The following SUGCT variants were observed in gnomAD, a reference collection of about 807,000 sequenced individuals.
SUGCT encodes the protein succinyl-CoA:glutarate-CoA transferase, also known as succinyl-CoA:glutarate CoA-transferase.
In SUGCT, 41 loss-of-function variants were observed where a neutral mutation model predicts 55.0. The observed-to-expected ratio is 0.74, with a 90% CI of 0.58 to 0.97. The LOEUF (loss-of-function observed/expected upper bound fraction) is 0.97, where lower values mean the gene tolerates loss of function less well. SUGCT is among the 50% of genes least tolerant of loss of function. The pLI is 0.00. For synonymous variants in SUGCT, 187 were observed against 200.4 expected (o/e 0.93, Z 0.56); for missense variants, 568 against 547.8 (o/e 1.04, Z -0.37).
chr7:40,311,131 G>A (rs1795125243), intron 8 of SUGCT, among the ~76,000 whole-genome samples: 1 of 152,164 alleles, frequency 6.6e-6, no homozygotes, highest in Admixed American at 6.5e-5. Flanking sequence ...GACTGTGGGA[G>A]TTAAGTTTGG....
At chr7:40,627,694 GTT>G (rs1562910521) in intron 12 of SUGCT, among the ~76,000 whole-genome samples, 1 of 151,774 alleles carries the variant, frequency 6.6e-6, no homozygotes. Context: ...AAAGGTGGGG[GTT>G]TGCAAAGGGA....
At chr7:40,316,445 T>A (rs1238614166) in intron 8 of SUGCT, among the ~76,000 whole-genome samples, 1 of 152,144 alleles carries the variant, frequency 6.6e-6, no homozygotes, top group Admixed American at 6.5e-5. Flanking sequence ...TATATTGCCA[T>A]GGGTTTGAGG....
At chr7:40,836,866 T>C (rs1793009762) in intron 13 of SUGCT, among the ~76,000 whole-genome samples, 1 of 152,334 alleles carries the variant, frequency 6.6e-6, no homozygotes, top group South Asian at 2.1e-4. Flanking sequence ...CTGAAAGATA[T>C]TTGTTTCCAG....
intron 13 of SUGCT, among the ~76,000 whole-genome samples, chr7:40,761,322 G>A (rs2128720791): frequency 6.6e-6 from 1 of 152,296 alleles, no homozygotes; most frequent in Non-Finnish European, 1.5e-5. Flanking sequence ...CAGTGTGAAA[G>A]CCTCCTCCAA....
intron 12 of SUGCT, among the ~76,000 whole-genome samples, chr7:40,685,948 T>C (rs1036780439): frequency 2.0e-5 from 3 of 152,212 alleles, no homozygotes; most frequent in Non-Finnish European, 4.4e-5. Context: ...GCTCAATCTG[T>C]TGTTACTTTC....
intron 13 of SUGCT, among the ~76,000 whole-genome samples, chr7:40,840,671 A>G (rs1392140250): frequency 6.6e-6 from 1 of 152,140 alleles, no homozygotes; most frequent in African/African-American, 2.4e-5. Context: ...AAAGTAAAAA[A>G]TAAACCCAAG....
chr7:40,343,744 C>T (rs1313865510), intron 9 of SUGCT, among the ~76,000 whole-genome samples: 3 of 152,088 alleles, frequency 2.0e-5, no homozygotes, highest in Non-Finnish European at 4.4e-5. Flanking sequence ...GCAAGCTCCG[C>T]CTCCCGGGTT....
chr7:40,760,860 C>G (rs1258994254), intron 13 of SUGCT, among the ~76,000 whole-genome samples: 2 of 152,042 alleles, frequency 1.3e-5, no homozygotes, highest in Non-Finnish European at 2.9e-5. Context: ...ATACTCACTG[C>G]AACTTATAAT....
intron 9 of SUGCT, among the ~76,000 whole-genome samples, chr7:40,414,573 A>G (rs1485063728): frequency 6.6e-6 from 1 of 151,914 alleles, no homozygotes; most frequent in African/African-American, 2.4e-5. Flanking sequence ...CCCTACATCT[A>G]ATTTTCTATA....
chr7:40,979,128 C>G, the SUGCT span, among the ~76,000 whole-genome samples: 4 of 152,258 alleles, frequency 2.6e-5, no homozygotes, highest in African/African-American at 9.6e-5. Context: ...CCACAAAATA[C>G]TGAGCCCCAT....
At chr7:40,153,609 C>A in intron 1 of SUGCT, 1 of 519,332 alleles carries the variant, frequency 1.9e-6, no homozygotes, top group South Asian at 1.4e-5. Flanking sequence ...CTGTGGTCTG[C>A]TACCTTATGT....
Position 40,487,616 on chromosome 7 carries a change from T to G in SUGCT, c.987-8668T>G, listed in dbSNP as rs557154347. Reference sequence around the variant, plus strand: ...TTTTTTAAAATGTCATATTAAAATCTTTTACTACTATTGTATTGCCGTTAA... The same window carrying G: ...TTTTTTAAAATGTCATATTAAAATCGTTTACTACTATTGTATTGCCGTTAA... On this transcript the variant is annotated intron_variant, in intron 11 of 13. Coordinates refer to ENST00000335693, the MANE Select transcript of SUGCT (RefSeq NM_001193313.2). Among the ~76,000 whole-genome samples the G allele has an allele frequency of 1.6e-3, 248 of 152,256 alleles. 2 individuals carry two copies. Among genetic ancestry groups the G allele is most frequent in the African/African-American group, 5.7e-3 (239 of 41,574 alleles).
At chr7:40,256,791 T>C (rs1023653281) in intron 7 of SUGCT, among the ~76,000 whole-genome samples, 1 of 152,212 alleles carries the variant, frequency 6.6e-6, no homozygotes, top group Non-Finnish European at 1.5e-5. Context: ...TCACCCAGGC[T>C]GAAGGGCAGT....
At chr7:40,341,531 A>C (rs1289174767) in intron 9 of SUGCT, among the ~76,000 whole-genome samples, 1 of 152,190 alleles carries the variant, frequency 6.6e-6, no homozygotes, top group Non-Finnish European at 1.5e-5. Context: ...GATAATCTGA[A>C]AGGGCAGGCA....
chr7:41,023,985 A>G, the SUGCT span, among the ~76,000 whole-genome samples: 2 of 152,344 alleles, frequency 1.3e-5, no homozygotes, highest in South Asian at 4.1e-4. Context: ...CGTAATCATG[A>G]TCAAGCTCTG....
At chr7:40,837,261 C>T (rs914617222) in intron 13 of SUGCT, among the ~76,000 whole-genome samples, 17 of 151,966 alleles carry the variant, frequency 1.1e-4, no homozygotes, top group African/African-American at 3.9e-4. Flanking sequence ...ATGTTTTTTG[C>T]TCATTTTCTA....
At chr7:40,950,144 T>G in the SUGCT span, among the ~76,000 whole-genome samples, 1 of 152,246 alleles carries the variant, frequency 6.6e-6, no homozygotes, top group Non-Finnish European at 1.5e-5. Context: ...AGCAGTGGTT[T>G]ATAGTTCTCC....
At chr7:40,184,978 A>G (rs1338028710) in intron 3 of SUGCT, among the ~76,000 whole-genome samples, 5 of 152,226 alleles carry the variant, frequency 3.3e-5, no homozygotes, top group Admixed American at 2.0e-4. Flanking sequence ...AGCAGTTAGC[A>G]GAAGATTCTC....
chr7:40,256,462 C>T (rs1003213870), intron 7 of SUGCT, among the ~76,000 whole-genome samples: 1 of 151,898 alleles, frequency 6.6e-6, no homozygotes, highest in Non-Finnish European at 1.5e-5. Flanking sequence ...TGTTGCTGGT[C>T]GAAGCAGAAT....
Sources: allele counts gnomAD v4.1 joint callset (sites outside exome capture counted in the v4.1 genomes callset), GRCh38; gene constraint gnomAD v4.1.1; transcripts MANE v1.5; gene names NCBI Gene and HGNC (gene_info 2026-07-23, HGNC 2026-07-21).